Variants in NTRK3 observed in about 807,000 individuals in gnomAD.
NTRK3 encodes neurotrophic receptor tyrosine kinase 3, also known as NT-3 growth factor receptor.
A neutral mutation model predicts 91.7 loss-of-function variants in NTRK3; 24 were observed. The observed-to-expected ratio is 0.26, with a 90% confidence interval of 0.19 to 0.37. The LOEUF is 0.37. NTRK3 is among the 10% of genes least tolerant of loss of function. The pLI is 1.00. For synonymous variants in NTRK3, 483 were observed against 404.0 expected (o/e 1.20, Z -2.34); for missense variants, 880 against 1,068.9 (o/e 0.82, Z 2.46).
At chr15:87,906,013 A>G (rs2066743717) in intron 17 of NTRK3, among the ~76,000 whole-genome samples, 1 of 152,228 alleles carries the variant, frequency 6.6e-6, no homozygotes, top group Admixed American at 6.5e-5. Flanking sequence ...CATGCAAATC[A>G]GCCCACACAT....
At chr15:88,159,578 C>G (rs1054881830) in intron 5 of NTRK3, among the ~76,000 whole-genome samples, 3 of 152,190 alleles carry the variant, frequency 2.0e-5, no homozygotes, top group Non-Finnish European at 4.4e-5. Context: ...GGCAAGTTGA[C>G]TTTGGCTCCA....
intron 13 of NTRK3, among the ~76,000 whole-genome samples, chr15:88,110,996 A>C (rs11073763): frequency 1.3e-5 from 2 of 151,772 alleles, no homozygotes; most frequent in African/African-American, 4.8e-5. Flanking sequence ...CACAAAGACA[A>C]GACTGGGCTG....
At chr15:87,958,381 C>G (rs926961225) in intron 14 of NTRK3, among the ~76,000 whole-genome samples, 1 of 152,118 alleles carries the variant, frequency 6.6e-6, no homozygotes, top group Non-Finnish European at 1.5e-5. Context: ...CTGAAGGATG[C>G]TCAGATATCA....
intron 3 of NTRK3, among the ~76,000 whole-genome samples, chr15:88,227,029 TTC>T (rs1260106212): frequency 6.6e-6 from 1 of 152,236 alleles, no homozygotes. Context: ...GAGGATGCTC[TTC>T]TTTTATTTAT....
chr15:88,111,858 T>C (rs1341124867), intron 13 of NTRK3, among the ~76,000 whole-genome samples: 1 of 152,018 alleles, frequency 6.6e-6, no homozygotes, highest in Non-Finnish European at 1.5e-5. Flanking sequence ...GAGCAGTGTG[T>C]TCTGGGTTCT....
At chr15:88,084,473 T>A (rs1380114518) in intron 13 of NTRK3, among the ~76,000 whole-genome samples, 1 of 152,126 alleles carries the variant, frequency 6.6e-6, no homozygotes, top group Non-Finnish European at 1.5e-5. Flanking sequence ...GGAAGCAGCG[T>A]CTTCACTCAA....
intron 14 of NTRK3, among the ~76,000 whole-genome samples, chr15:88,031,849 G>C (rs1266538459): frequency 6.6e-6 from 1 of 152,162 alleles, no homozygotes; most frequent in African/African-American, 2.4e-5. Flanking sequence ...CCCAGGGGCT[G>C]AGCAAGACCA....
At chr15:88,104,489 C>G (rs1345484240) in intron 13 of NTRK3, among the ~76,000 whole-genome samples, 1 of 152,216 alleles carries the variant, frequency 6.6e-6, no homozygotes, top group Non-Finnish European at 1.5e-5. Flanking sequence ...AAGATTACAG[C>G]TGCTGGCTTC....
chr15:88,207,056 G>A (rs1038218110), intron 3 of NTRK3, among the ~76,000 whole-genome samples: 1 of 152,184 alleles, frequency 6.6e-6, no homozygotes, highest in Non-Finnish European at 1.5e-5. Flanking sequence ...CGGAGTCACT[G>A]GCTTAGCGTC....
intron 14 of NTRK3, among the ~76,000 whole-genome samples, chr15:88,003,677 T>C (rs2076276491): frequency 6.6e-6 from 1 of 152,114 alleles, no homozygotes; most frequent in African/African-American, 2.4e-5. Context: ...GGAACAAAGT[T>C]TCAACCAGGG....
At position 88,185,225 on chromosome 15, in the gene NTRK3, T is replaced by C. The variant is rs373429986; in HGVS notation, c.249-926A>G. 9.2e-5 allele frequency among the ~76,000 whole-genome samples: 14 copies of C among 152,364 alleles called. 1 individual carries two copies. Among genetic ancestry groups the C allele is most frequent in the Admixed American group, 4.6e-4 (7 of 15,310 alleles). ...AATTAATTCATCTTCTTGGATTTAT[T>C]AATCAGCAATATAAATCACTATTAA... On this transcript the variant is annotated intron_variant, in intron 3 of 18. Coordinates refer to ENST00000394480, the Ensembl canonical transcript of NTRK3.
At chr15:87,926,551 A>G (rs112504044) in intron 17 of NTRK3, 23 of 152,320 alleles carry the variant, frequency 1.5e-4, no homozygotes, top group African/African-American at 5.3e-4. Flanking sequence ...CTTAAATTCT[A>G]ATCTACCCTG....
chr15:88,130,734 G>C (rs1424146605), intron 10 of NTRK3, among the ~76,000 whole-genome samples: 1 of 152,174 alleles, frequency 6.6e-6, no homozygotes, highest in Non-Finnish European at 1.5e-5. Context: ...GATCATGAAA[G>C]ACAAAGACTA....
intron 14 of NTRK3, among the ~76,000 whole-genome samples, chr15:87,987,533 G>T (rs1338646442): frequency 2.6e-5 from 4 of 151,974 alleles, no homozygotes; most frequent in African/African-American, 9.7e-5. Flanking sequence ...AGATGTGTGT[G>T]TGTGTGTGTG....
intron 3 of NTRK3, among the ~76,000 whole-genome samples, chr15:88,189,850 G>A (rs1351586727): frequency 6.6e-6 from 1 of 152,172 alleles, no homozygotes; most frequent in African/African-American, 2.4e-5. Context: ...GGATGGTACA[G>A]AATGTGTGGT....
chr15:88,219,699 C>T (rs1206259241), intron 3 of NTRK3, among the ~76,000 whole-genome samples: 1 of 152,236 alleles, frequency 6.6e-6, no homozygotes, highest in Non-Finnish European at 1.5e-5. Flanking sequence ...GTCCAGGCTT[C>T]CAGGGGTGGT....
At chr15:88,069,710 C>G (rs1198447937) in intron 13 of NTRK3, among the ~76,000 whole-genome samples, 1 of 152,226 alleles carries the variant, frequency 6.6e-6, no homozygotes, top group Non-Finnish European at 1.5e-5. Flanking sequence ...GATTTTGCTT[C>G]CAAACTGCCA....
At chr15:87,960,139 G>C (rs2072104547) in intron 14 of NTRK3, among the ~76,000 whole-genome samples, 1 of 152,196 alleles carries the variant, frequency 6.6e-6, no homozygotes, top group Non-Finnish European at 1.5e-5. Context: ...TCAGTACCTT[G>C]TTTGGGTCCC....
chr15:87,896,109 C>G (rs139020728), intron 17 of NTRK3, among the ~76,000 whole-genome samples: 1,726 of 152,264 alleles, frequency 0.011, 37 homozygotes, highest in African/African-American at 0.039. Flanking sequence ...CACATGTTCT[C>G]AGGACCTCAT....
Sources: allele counts gnomAD v4.1 joint callset (sites outside exome capture counted in the v4.1 genomes callset), GRCh38; gene constraint gnomAD v4.1.1; transcripts MANE v1.5; gene names NCBI Gene and HGNC (gene_info 2026-07-23, HGNC 2026-07-21).